RAB11FIP3: variants seen among roughly 807,000 people sequenced by gnomAD.
RAB11FIP3 encodes the protein rab11 family-interacting protein 3.
RAB11FIP3 carries 17 observed loss-of-function variants against 77.8 expected under a neutral mutation model. The ratio of observed to expected loss-of-function variants is 0.22; its 90% CI spans 0.15 to 0.33. The LOEUF (loss-of-function observed/expected upper bound fraction) is 0.33. Ranked by LOEUF, RAB11FIP3 falls within the 10% of genes least tolerant of loss-of-function variation. The probability of loss-of-function intolerance (pLI) is 1.00; values close to 1 mark genes in which losing one functional copy is unlikely to be tolerated. For missense variants in RAB11FIP3, 1,005 were observed against 1,011.2 expected (o/e 0.99, Z 0.08); for synonymous variants, 437 against 448.2 (o/e 0.98, Z 0.31).
At chr16:485,246 GC>G (rs567100611) in intron 4 of RAB11FIP3, among the ~76,000 whole-genome samples, 27 of 152,262 alleles carry the variant, frequency 1.8e-4, no homozygotes, top group African/African-American at 5.8e-4. Context: ...GAAACAGGCT[GC>G]GCAGGATTGG....
At chr16:501,270 C>A (rs142226094) in intron 6 of RAB11FIP3, among the ~76,000 whole-genome samples, 177 of 152,368 alleles carry the variant, frequency 1.2e-3, no homozygotes, top group African/African-American at 4.1e-3. Context: ...GGTTAAACCT[C>A]AGTTGCCTCT....
intron 1 of RAB11FIP3, among the ~76,000 whole-genome samples, chr16:432,996 C>G (rs987931955): frequency 7.7e-6 from 1 of 129,092 alleles, no homozygotes; most frequent in Non-Finnish European, 1.6e-5. Flanking sequence ...CTGTAATGAT[C>G]AAGTTGGGGT....
rs202139275 is a variant in RAB11FIP3, at chr16:489,009, G to A, written c.1265+9G>A. ...GCTTTCCTCACGCCCAGGTAATGAC[G>A]CCTTGTTCCAGCACACCCTCCTCCC... On this transcript the variant is annotated intron_variant, in intron 5 of 13. Coordinates refer to ENST00000262305, the MANE Select transcript of RAB11FIP3 (RefSeq NM_014700.4). 256 of 1,611,422 alleles carry A rather than the reference G, an allele frequency of 1.6e-4. 1 individual carries two copies. Among genetic ancestry groups the A allele is most frequent in the Middle Eastern group, 1.5e-3 (9 of 6,048 alleles).
chr16:478,670 A>G (rs558997437), intron 3 of RAB11FIP3, among the ~76,000 whole-genome samples: 1 of 152,352 alleles, frequency 6.6e-6, no homozygotes, highest in South Asian at 2.1e-4. Context: ...TTGAAATTAT[A>G]AATTGAAAAT....
intron 5 of RAB11FIP3, among the ~76,000 whole-genome samples, chr16:492,373 C>T (rs1009883859): frequency 1.2e-4 from 18 of 144,694 alleles, no homozygotes; most frequent in Non-Finnish European, 2.2e-4. Context: ...TCCCGGGAGA[C>T]CCGAGGCCGC....
chr16:513,472 G>A (rs575819530), intron 9 of RAB11FIP3, among the ~76,000 whole-genome samples: 4 of 152,240 alleles, frequency 2.6e-5, no homozygotes, highest in African/African-American at 9.6e-5. Context: ...TCCCACCTTG[G>A]CCTCTTTTTG....
chr16:463,832 G>A (rs2055659047), intron 2 of RAB11FIP3, among the ~76,000 whole-genome samples: 2 of 152,172 alleles, frequency 1.3e-5, no homozygotes, highest in African/African-American at 2.4e-5. Context: ...GCTTGGCCCC[G>A]GGGCCTCTGT....
chr16:491,082 A>T (rs113182206), intron 5 of RAB11FIP3: 3 of 1,270,260 alleles, frequency 2.4e-6, no homozygotes, highest in Non-Finnish European at 3.1e-6. Context: ...GGAGTCACAG[A>T]TGACCACACG....
chr16:519,882 C>T lies in RAB11FIP3; in HGVS notation c.1851C>T (p.Ala617=). The change falls in exon 11 of 14, where the codon GCC becomes GCT. Residue 617 remains alanine, a synonymous_variant. Coordinates refer to ENST00000262305, the MANE Select transcript of RAB11FIP3 (RefSeq NM_014700.4). ...ERHQFQRDKE[A]TQELIEDLRK... is the part of the protein sequence containing the mutation. ...ACCAGTTCCAGAGGGACAAGGAGGC[C>T]ACCCAGGAGGTGAGCACCCACCCTG... 1 of 1,587,890 alleles carries T rather than the reference C, an allele frequency of 6.3e-7. No individual in the cohort carries two copies. The highest frequency in any genetic ancestry group is 8.6e-7 in the Non-Finnish European group (1 of 1,167,320).
At chr16:462,629 C>CGATCCCTTCCCCAGCAT (rs71139785) in intron 2 of RAB11FIP3, among the ~76,000 whole-genome samples, 3 of 144,922 alleles carry the variant, frequency 2.1e-5, no homozygotes, top group Non-Finnish European at 4.4e-5. Flanking sequence ...TTCCCCAGCA[C>CGATCCCTTCCCCAGCAT]CATCCCTTCC....
chr16:497,581 T>A, intron 6 of RAB11FIP3: 1 of 772,702 alleles, frequency 1.3e-6, no homozygotes, highest in East Asian at 8.2e-5. Flanking sequence ...CTCTCTGCCC[T>A]GTTGTGCCGG....
In RAB11FIP3 at chr16:426,739, C is replaced by T. The variant is rs778898833; in HGVS notation, c.714+19C>T. 4.1e-6 allele frequency: 6 copies of T among 1,464,210 alleles called. No homozygotes were observed. The highest frequency in any genetic ancestry group is 1.8e-4 in the Middle Eastern group (1 of 5,410). 90.7% of individuals were successfully genotyped at this position (1,464,210 alleles called of 1,614,324 possible). On this transcript the variant is annotated intron_variant, in intron 1 of 13. Transcript: ENST00000262305. The surrounding 1 kb of genome is among the most constrained non-coding windows in gnomAD (Gnocchi z 5.0). ...AGAGCAGGTACGGAGCGGCCCGGGCCGGGGCGTGGGAACTGGGCAGGTGCG... is the reference window on the plus strand; with the variant it reads ...AGAGCAGGTACGGAGCGGCCCGGGCTGGGGCGTGGGAACTGGGCAGGTGCG...
intron 1 of RAB11FIP3, among the ~76,000 whole-genome samples, chr16:449,490 A>G (rs765120322): frequency 3.9e-5 from 6 of 152,086 alleles, no homozygotes; most frequent in East Asian, 3.9e-4. Flanking sequence ...TTAAGTTAAC[A>G]TAAATCACAG....
chr16:459,914 A>G (rs555994600), intron 1 of RAB11FIP3, among the ~76,000 whole-genome samples: 25 of 146,108 alleles, frequency 1.7e-4, no homozygotes, highest in African/African-American at 4.3e-4. Context: ...GTCTCATTCA[A>G]TCACCTAGGC....
Position 521,784 on chromosome 16 carries a change from A to T in RAB11FIP3, c.*945A>T, listed in dbSNP as rs1054024480. ...GCACTTCCCAGGCCAGAATCCAAAC[A>T]TCGGGAACCCTGTTTTCTTCTGGGT... On this transcript the variant is annotated 3_prime_UTR_variant, in exon 14 of 14. Transcript: ENST00000262305. The T allele has an allele frequency of 1.3e-5, 2 of 152,198 alleles. No homozygotes were observed. Among genetic ancestry groups the T allele is most frequent in the African/African-American group, 4.8e-5 (2 of 41,426 alleles). The allele number at this position is 152,198 out of a possible 1,614,324, so 9.4% of individuals were successfully genotyped here.
At chr16:442,624 A>G (rs2055246405) in intron 1 of RAB11FIP3, among the ~76,000 whole-genome samples, 1 of 152,046 alleles carries the variant, frequency 6.6e-6, no homozygotes, top group African/African-American at 2.4e-5. Flanking sequence ...GTGTCATGCT[A>G]CTTTTTTTCT....
chr16:453,651 CGCGATCTTG>C (rs2055448364), intron 1 of RAB11FIP3, among the ~76,000 whole-genome samples: 1 of 139,546 alleles, frequency 7.2e-6, no homozygotes, highest in Non-Finnish European at 1.5e-5. Context: ...AGTGCAGTGG[CGCGATCTTG>C]GCTCACTGCA....
Position 426,077 on chromosome 16 carries a change from C to T in RAB11FIP3, c.71C>T (p.Pro24Leu), listed in dbSNP as rs1294114969. Residue 24 changes from proline to leucine, a missense_variant, in exon 1 of 14, where the codon CCG becomes CTG. This residue lies in a region of RAB11FIP3 where 466 missense variants were observed against 408.3 expected (regional missense o/e 1.14). Coordinates refer to ENST00000262305, the MANE Select transcript of RAB11FIP3 (RefSeq NM_014700.4). This position sits in a 1 kb window ranked among gnomAD's most constrained non-coding sequence, Gnocchi z 5.0. ...GGGCCCGACCCGGAGCCGGGCGGGC[C>T]GGACGGGCCGGGGGCGGCACAACTG... ...PPGPDPEPGG[P>L]DGPGAAQLAP... is the part of the protein sequence containing the mutation. 2.0e-5 allele frequency: 20 copies of T among 1,001,628 alleles called. No homozygotes were observed. Among genetic ancestry groups the T allele is most frequent in the Non-Finnish European group, 2.4e-5 (20 of 842,308 alleles). The allele number at this position is 1,001,628 out of a possible 1,614,324, so 62.0% of individuals were successfully genotyped here.
At position 520,869 on chromosome 16, in the gene RAB11FIP3, C is replaced by A. The variant is rs775183987; in HGVS notation, c.*30C>A. 9 of 1,579,122 alleles carry A rather than the reference C, an allele frequency of 5.7e-6. No homozygotes were observed. Among genetic ancestry groups the A allele is most frequent in the Non-Finnish European group, 7.8e-6 (9 of 1,149,182 alleles). On this transcript the variant is annotated 3_prime_UTR_variant, in exon 14 of 14. Transcript: ENST00000262305. ...AGGAAGGTCCAGCCTGAGCTGGATT[C>A]GGGACTCCAACACCCTGGAGTGGTT...
Sources: gnomAD v4.1 joint callset for allele counts (sites outside exome capture counted in the v4.1 genomes callset) on GRCh38, gnomAD v4.1.1 for gene constraint, gnomAD v4.1.1 regional missense constraint, Gnocchi (gnomAD v3.1) non-coding constraint, MANE v1.5 for transcripts, NCBI Gene and HGNC (gene_info 2026-07-23, HGNC 2026-07-21) for gene names.